PFKM: variants seen among roughly 807,000 people sequenced by gnomAD.
The protein encoded by PFKM is ATP-dependent 6-phosphofructokinase, muscle type.
PFKM carries 58 observed loss-of-function variants against 95.5 expected under a neutral mutation model. The observed-to-expected ratio is 0.61, with a 90% CI of 0.49 to 0.76. The LOEUF (loss-of-function observed/expected upper bound fraction) is 0.76, where lower values mean the gene tolerates loss of function less well. Among genes scored for constraint, PFKM ranks in the 30% least tolerant of loss-of-function variants. The pLI is 0.00. For synonymous variants in PFKM, 336 were observed against 357.2 expected, an observed-to-expected ratio of 0.94 and a Z score of 0.67; for missense variants, 678 against 1,005.4, an observed-to-expected ratio of 0.67 and a Z score of 4.40.
chr12:48,108,008 G>A (rs1010768093), intron 2 of PFKM: 3 of 1,555,218 alleles, frequency 1.9e-6, no homozygotes, highest in East Asian at 2.2e-5. Flanking sequence ...AAATGAAAGG[G>A]AGTAAGGAAC....
chr12:48,122,809 TG>T lies in PFKM; in HGVS notation c.39del (p.Ile14LeufsTer8). The T allele has an allele frequency of 6.2e-7, 1 of 1,614,030 alleles. No homozygotes were observed. Among genetic ancestry groups the T allele is most frequent in the Non-Finnish European group, 8.5e-7 (1 of 1,179,938 alleles). On this transcript the variant is annotated frameshift_variant, in exon 2 of 23. Coordinates refer to ENST00000359794, the MANE Select transcript of PFKM (RefSeq NM_000289.6). LOFTEE classifies it high-confidence loss of function. ...GAAGAGCACCATGCAGCCAAAACCC[TG>T]GGGATTGGCAAAGCCATTGCTGTCT... ...THEEHHAAKT[L>X]GIGKAIAVLT...
In PFKM at chr12:48,145,852, G is replaced by T; in HGVS notation, c.*144G>T. 1.2e-6 allele frequency: 1 copy of T among 813,936 alleles called. No individual in the cohort carries two copies. The allele number at this position is 813,936 out of a possible 1,614,324, so 50.4% of individuals were successfully genotyped here. A position where few individuals can be genotyped will look rare whatever the true frequency, so the allele number is the denominator to read the frequency against. On this transcript the variant is annotated 3_prime_UTR_variant, in exon 23 of 23. Coordinates refer to ENST00000359794, the MANE Select transcript of PFKM (RefSeq NM_000289.6). The surrounding 1 kb of genome is among the most constrained non-coding windows in gnomAD (Gnocchi z 4.3). ...TTGCAGCCATGACCAGTTCTGGCCAGGAGCTGGAGGAGCAGGCAGTGGGTG... is the reference window on the plus strand; with the variant it reads ...TTGCAGCCATGACCAGTTCTGGCCATGAGCTGGAGGAGCAGGCAGTGGGTG...
rs774320286 is a variant in PFKM at position 48,140,752 on chromosome 12, G to A, written c.1222G>A (p.Val408Met). 1.8e-5 allele frequency: 29 copies of A among 1,614,184 alleles called. No homozygotes were observed. The highest frequency in any genetic ancestry group is 3.3e-5 in the South Asian group (3 of 91,086). The change falls in exon 14 of 23, where the codon GTG becomes ATG. Residue 408 changes from valine (V) to methionine (M), a missense_variant. Val to Met is a conservative substitution (Grantham distance 21). Coordinates refer to ENST00000359794, the MANE Select transcript of PFKM (RefSeq NM_000289.6). ...SGSHTVAVMN[V>M]GAPAAGMNAA... Reference sequence around the variant, plus strand: ...TTCGCACACAGTGGCTGTGATGAACGTGGGGGCTCCGGCTGCAGGCATGAA... The same window carrying A: ...TTCGCACACAGTGGCTGTGATGAACATGGGGGCTCCGGCTGCAGGCATGAA...
At chr12:48,111,658 A>G (rs971036102) in intron 3 of PFKM, among the ~76,000 whole-genome samples, 1 of 152,224 alleles carries the variant, frequency 6.6e-6, no homozygotes, top group Non-Finnish European at 1.5e-5. Flanking sequence ...GCCTGGTGGA[A>G]CTGCCATCAG....
At position 48,122,850 on chromosome 12, in the gene PFKM, G is replaced by A. The variant is rs779975699; in HGVS notation, c.76G>A (p.Asp26Asn). 7 of 1,613,944 alleles carry A rather than the reference G, an allele frequency of 4.3e-6. No homozygotes were observed. The highest frequency in any genetic ancestry group is 5.9e-6 in the Non-Finnish European group (7 of 1,179,928). Residue 26 changes from aspartate (D) to asparagine (N), a missense_variant, in exon 2 of 23, where the codon GAT becomes AAT. Asp to Asn is a conservative substitution (Grantham distance 23). Coordinates refer to ENST00000359794, the MANE Select transcript of PFKM (RefSeq NM_000289.6). ...CATTGCTGTCTTAACCTCTGGTGGA[G>A]ATGCCCAAGGTAAGGAGGAGGGGAC... is the stretch of plus-strand genomic sequence containing the variant. ...KAIAVLTSGGDAQGMNAAVRA... is the reference protein window; with the variant it reads ...KAIAVLTSGGNAQGMNAAVRA...
chr12:48,129,486 T>C (rs1000035826), intron 2 of PFKM, among the ~76,000 whole-genome samples: 3 of 152,156 alleles, frequency 2.0e-5, no homozygotes, highest in Admixed American at 2.0e-4. Flanking sequence ...TGTTGACTAA[T>C]TGAGGAAATG....
At chr12:48,119,909 G>C (rs1272433758) in intron 1 of PFKM, 4 of 152,198 alleles carry the variant, frequency 2.6e-5, no homozygotes, top group Admixed American at 2.6e-4. Context: ...TTCAGGAGAA[G>C]AATATGAGCG....
In PFKM at chr12:48,146,199, A is replaced by G. The variant is rs2136062292; in HGVS notation, c.*491A>G. 5.4e-6 allele frequency: 1 copy of G among 185,254 alleles called. No individual in the cohort carries two copies. The highest frequency in any genetic ancestry group is 1.3e-4 in the East Asian group (1 of 7,428). 11.5% of individuals were successfully genotyped at this position (185,254 alleles called of 1,614,324 possible). ...GTCTGATGAAGCAGTAAAGACGTTAAGGGTATCACAGGGGGTGGAGGAAGG... is the reference window on the plus strand; with the variant it reads ...GTCTGATGAAGCAGTAAAGACGTTAGGGGTATCACAGGGGGTGGAGGAAGG... On this transcript the variant is annotated 3_prime_UTR_variant, in exon 23 of 23. Coordinates refer to ENST00000359794, the MANE Select transcript of PFKM (RefSeq NM_000289.6).
At chr12:48,131,010 A>T (rs1949420776) in intron 3 of PFKM, among the ~76,000 whole-genome samples, 1 of 152,112 alleles carries the variant, frequency 6.6e-6, no homozygotes, top group East Asian at 1.9e-4. Context: ...ATCTGTTATC[A>T]TTGGCCCCCT....
rs1950510767 is a variant in PFKM, at chr12:48,140,711, C to T, written c.1192-11C>T. The T allele has an allele frequency of 3.7e-6, 6 of 1,614,176 alleles. No homozygotes were observed. Among genetic ancestry groups the T allele is most frequent in the Non-Finnish European group, 5.1e-6 (6 of 1,180,004 alleles). On this transcript the variant is annotated splice_polypyrimidine_tract_variant and intron_variant, in intron 13 of 22. Coordinates refer to ENST00000359794, the MANE Select transcript of PFKM (RefSeq NM_000289.6). ...TTCTGTCCTCATTTTTCCCTGCTTC[C>T]TCCTGTATAGAGTGGTTCGCACACA...
At chr12:48,108,060 A>G in intron 2 of PFKM, 1 of 1,599,186 alleles carries the variant, frequency 6.3e-7, no homozygotes. Context: ...ACCTAAAGCT[A>G]TTGTTTCTCA....
chr12:48,140,915 T>C (rs1565905761), intron 14 of PFKM, 44 bp downstream of exon 14: 1 of 1,606,166 alleles, frequency 6.2e-7, no homozygotes, highest in Admixed American at 1.7e-5. Context: ...ATGGGGAAGA[T>C]AAGTGTAGCA....
upstream of PFKM, among the ~76,000 whole-genome samples, chr12:48,117,192 T>G (rs894098516): frequency 3.2e-4 from 49 of 152,224 alleles, no homozygotes; most frequent in African/African-American, 1.1e-3. Flanking sequence ...TGATGGAAAA[T>G]ATTCCATTGT....
In PFKM at chr12:48,142,340, G is replaced by A. The variant is rs576834602; in HGVS notation, c.1653+274G>A. 4.5e-5 allele frequency: 21 copies of A among 465,676 alleles called. No individual in the cohort carries two copies. In the Admixed American group the frequency reaches 6.8e-4, roughly 15 times the overall value. 28.8% of individuals were successfully genotyped at this position (465,676 alleles called of 1,614,324 possible). On this transcript the variant is annotated intron_variant, in intron 17 of 22. Transcript: ENST00000359794. ...ATACAAAAACTAGCTGGGTGTGGTG[G>A]TAGGCGCCTGTAATCCCAGCTACTT...
In PFKM at chr12:48,133,044, C is replaced by T; in HGVS notation, c.414C>T (p.Asp138=). The change falls in exon 5 of 23, where the codon GAC becomes GAT. Residue 138 remains aspartate (D), a synonymous_variant. Coordinates refer to ENST00000359794, the MANE Select transcript of PFKM (RefSeq NM_000289.6). The stretch of plus-strand genomic sequence containing the variant: ...CTGAGTGGAGTGACTTGTTGAGTGA[C>T]CTCCAGAAAGCAGGTAAGAGAGTTT... The part of the protein sequence containing the change: ...FRSEWSDLLS[D]LQKAGKITDE... The T allele has an allele frequency of 6.2e-7, 1 of 1,614,052 alleles. No individual in the cohort carries two copies.
Position 48,145,119 on chromosome 12 carries a change from G to A in PFKM, c.2081G>A (p.Ser694Asn), listed in dbSNP as rs1278699385. The change falls in exon 21 of 23, where the codon AGT (serine) becomes AAT (asparagine). Residue 694 changes from serine (S) to asparagine (N), a missense_variant. Ser to Asn is a conservative substitution (Grantham distance 46, BLOSUM62 1). Transcript: ENST00000359794. This position sits in a 1 kb window ranked among gnomAD's most constrained non-coding sequence, Gnocchi z 4.3. ...MNWMSGKIKE[S>N]YRNGRIFANT... Reference sequence around the variant, plus strand: ...TGGATGTCTGGGAAAATCAAAGAGAGTTACCGTAATGGTAGGTGGGGTGAG... The same window carrying A: ...TGGATGTCTGGGAAAATCAAAGAGAATTACCGTAATGGTAGGTGGGGTGAG... 1.9e-6 allele frequency: 3 copies of A among 1,613,988 alleles called. No individual in the cohort carries two copies. Among genetic ancestry groups the A allele is most frequent in the South Asian group, 1.1e-5 (1 of 91,080 alleles).
At chr12:48,116,137 C>T (rs76341202), upstream of PFKM, among the ~76,000 whole-genome samples, 13,471 of 144,606 alleles carry the variant, frequency 0.093, 1,274 homozygotes, top group East Asian at 0.37. Flanking sequence ...TTCCTTCCTT[C>T]CTTCCTCTCT....
chr12:48,138,213 T>A (rs753372517), intron 11 of PFKM, among the ~76,000 whole-genome samples: 3 of 152,192 alleles, frequency 2.0e-5, no homozygotes, highest in Non-Finnish European at 4.4e-5. Flanking sequence ...TCTAGCTGGG[T>A]AGCTTTTGTC....
At chr12:48,128,392 A>G (rs1273276918) in intron 2 of PFKM, among the ~76,000 whole-genome samples, 1 of 152,116 alleles carries the variant, frequency 6.6e-6, no homozygotes, top group Non-Finnish European at 1.5e-5. Context: ...GGGATGCACC[A>G]TTGTACTTGG....
Sources: gnomAD v4.1 joint callset for allele counts (sites outside exome capture counted in the v4.1 genomes callset) on GRCh38, gnomAD v4.1.1 for gene constraint, Gnocchi (gnomAD v3.1) non-coding constraint, MANE v1.5 for transcripts, NCBI Gene and HGNC (gene_info 2026-07-23, HGNC 2026-07-21) for gene names.